Variants in TP53BP1 observed in about 807,000 individuals in gnomAD.
TP53BP1 encodes tumor protein p53 binding protein 1.
In TP53BP1, 61 loss-of-function variants were observed where a neutral mutation model predicts 200.8. The observed-to-expected ratio is 0.30, with a 90% CI of 0.25 to 0.38. The LOEUF is 0.38. Among genes scored for constraint, TP53BP1 ranks in the 10% least tolerant of loss-of-function variants. The pLI, the probability that TP53BP1 is intolerant of heterozygous loss-of-function variation, is 1.00. For missense variants in TP53BP1, 2,144 were observed against 2,371.9 expected, an observed-to-expected ratio of 0.90 and a Z score of 2.00; for synonymous variants, 822 against 844.3, an observed-to-expected ratio of 0.97 and a Z score of 0.46.
Position 43,432,579 on chromosome 15 carries a change from G to A in TP53BP1, c.3290C>T (p.Pro1097Leu), listed in dbSNP as rs1282553946. 1.2e-6 allele frequency: 2 copies of A among 1,613,952 alleles called. No individual in the cohort carries two copies. The highest frequency in any genetic ancestry group is 8.5e-7 in the Non-Finnish European group (1 of 1,180,020). ...TIRQSQQPMK[P>L]ISPVKDPVSP... ...AACAGGGTCCTTGACAGGACTAATG[G>A]GCTTCATAGGCTGTTGACTCTGCCT... The change falls in exon 17 of 28, where the codon CCC becomes CTC. Residue 1097 changes from proline to leucine, a missense_variant. This residue lies in a region of TP53BP1 where 1,700 missense variants were observed against 1,710.3 expected (regional missense o/e 0.99). Coordinates refer to ENST00000382044, the MANE Select transcript of TP53BP1 (RefSeq NM_001141980.3).
Position 43,407,039 on chromosome 15 carries a change from C to T in TP53BP1, c.*344G>A, listed in dbSNP as rs1216780523. The stretch of plus-strand genomic sequence containing the variant: ...CTGCAAGCATAGCATTTTAGACACC[C>T]TGGAATAACCTTTTGGGAATGATGC... On this transcript the variant is annotated 3_prime_UTR_variant, in exon 28 of 28. Coordinates refer to ENST00000382044, the MANE Select transcript of TP53BP1 (RefSeq NM_001141980.3). The T allele has an allele frequency of 4.0e-6, 1 of 249,646 alleles. No individual in the cohort carries two copies. The highest frequency in any genetic ancestry group is 7.9e-6 in the Non-Finnish European group (1 of 127,224). 15.5% of individuals were successfully genotyped at this position (249,646 alleles called of 1,614,324 possible).
chr15:43,410,710 CCCTTCA>C (rs2045088629), intron 24 of TP53BP1, among the ~76,000 whole-genome samples: 1 of 152,102 alleles, frequency 6.6e-6, no homozygotes, highest in Non-Finnish European at 1.5e-5. Context: ...ACTCCCCTTC[CCCTTCA>C]CACCCAGTAG....
chr15:43,498,920 A>G (rs2140172881), intron 1 of TP53BP1, among the ~76,000 whole-genome samples: 1 of 152,248 alleles, frequency 6.6e-6, no homozygotes, highest in East Asian at 1.9e-4. Context: ...TGAGGACAAG[A>G]GAAGGAATAT....
Position 43,404,456 on chromosome 15 carries a change from G to A in TP53BP1, c.*2927C>T. 6.2e-7 allele frequency: 1 copy of A among 1,614,172 alleles called. No individual in the cohort carries two copies. Among genetic ancestry groups the A allele is most frequent in the Non-Finnish European group, 8.5e-7 (1 of 1,180,026 alleles). On this transcript the variant is annotated 3_prime_UTR_variant, in exon 28 of 28. Coordinates refer to ENST00000382044, the MANE Select transcript of TP53BP1 (RefSeq NM_001141980.3). Reference sequence around the variant, plus strand: ...TCACTCCTGTTCAAGATTCTCTCCAGTGTTCGGAATCATCAGATCAACTCA... The same window carrying A: ...TCACTCCTGTTCAAGATTCTCTCCAATGTTCGGAATCATCAGATCAACTCA...
intron 21 of TP53BP1, among the ~76,000 whole-genome samples, chr15:43,417,815 G>A (rs894372310): frequency 6.6e-6 from 1 of 152,156 alleles, no homozygotes; most frequent in African/African-American, 2.4e-5. Flanking sequence ...ATTTAATAAT[G>A]AACAAAGGGC....
Position 43,480,007 on chromosome 15 carries a change from T to A in TP53BP1, c.510A>T (p.Ser170=). 6.2e-7 allele frequency: 1 copy of A among 1,614,094 alleles called. No homozygotes were observed. Among genetic ancestry groups the A allele is most frequent in the Non-Finnish European group, 8.5e-7 (1 of 1,179,986 alleles). Reference sequence around the variant, plus strand: ...CCAGAACCCCAAAACCCAACTGTGATGAGGCAGTATCTAGGAACAAAATGC... The same window carrying A: ...CCAGAACCCCAAAACCCAACTGTGAAGAGGCAGTATCTAGGAACAAAATGC... ...THSLGAEDTA[S]SQLGFGVLEL... The change falls in exon 6 of 28, where the codon TCA becomes TCT. Residue 170 remains serine (S), a synonymous_variant. Transcript: ENST00000382044.
intron 18 of TP53BP1, among the ~76,000 whole-genome samples, chr15:43,426,932 C>T (rs2045550356): frequency 6.6e-6 from 1 of 150,412 alleles, no homozygotes; most frequent in Non-Finnish European, 1.5e-5. Flanking sequence ...CCAGGAAAAT[C>T]ACTTGAACCA....
chr15:43,485,088 C>T (rs2079027103), intron 4 of TP53BP1, among the ~76,000 whole-genome samples: 3 of 152,142 alleles, frequency 2.0e-5, no homozygotes, highest in Admixed American at 2.0e-4. Context: ...TTTGTTGCTT[C>T]CTCTCCCCTT....
chr15:43,507,630 T>C (rs541174365), intron 1 of TP53BP1, among the ~76,000 whole-genome samples: 1 of 152,330 alleles, frequency 6.6e-6, no homozygotes, highest in South Asian at 2.1e-4. Flanking sequence ...TATTTAGCTT[T>C]CTAAGTCTTA....
chr15:43,447,749 G>A (rs184348010), intron 12 of TP53BP1, among the ~76,000 whole-genome samples: 4 of 151,980 alleles, frequency 2.6e-5, no homozygotes, highest in African/African-American at 9.7e-5. Flanking sequence ...GAGAAAGCCC[G>A]AAGTCTGCAA....
At chr15:43,467,355 C>T (rs1351684035) in intron 11 of TP53BP1, among the ~76,000 whole-genome samples, 1 of 152,080 alleles carries the variant, frequency 6.6e-6, no homozygotes, top group East Asian at 1.9e-4. Context: ...TGGGCTACTG[C>T]GCCCGGCCTA....
chr15:43,501,877 T>C (rs1483334045), intron 1 of TP53BP1, among the ~76,000 whole-genome samples: 1 of 152,234 alleles, frequency 6.6e-6, no homozygotes, highest in African/African-American at 2.4e-5. Flanking sequence ...TAGACTATTA[T>C]AAATAAAGTT....
At chr15:43,455,441 T>C in intron 12 of TP53BP1, among the ~76,000 whole-genome samples, 1 of 152,072 alleles carries the variant, frequency 6.6e-6, no homozygotes, top group Admixed American at 6.6e-5. Context: ...ACAATCCAGG[T>C]TGGGCGTGGT....
chr15:43,464,351 G>GA (rs2046512950), intron 11 of TP53BP1, among the ~76,000 whole-genome samples: 1 of 152,026 alleles, frequency 6.6e-6, no homozygotes, highest in South Asian at 2.1e-4. Context: ...AATATATTCT[G>GA]AAAAAAGAAT....
intron 16 of TP53BP1, among the ~76,000 whole-genome samples, chr15:43,436,605 G>A (rs1475932859): frequency 6.6e-6 from 1 of 151,072 alleles, no homozygotes; most frequent in Non-Finnish European, 1.5e-5. Context: ...CTTCCAAGTA[G>A]CTGGGACCAC....
chr15:43,438,354 C>G lies in TP53BP1; in HGVS notation c.3161G>C (p.Arg1054Pro), dbSNP rs200776719. ...GGGTGTGGTGGGGGGATCCTCACTT[C>G]GAGCCTCATTCTCTTGCCTGGCTTC... ...ICEARQENEA[R>P]SEDPPTTPIR... Residue 1054 changes from arginine (R) to proline (P), a missense_variant, in exon 16 of 28, where the codon CGA (arginine) becomes CCA (proline). Around this residue, in one of 4 missense-constraint regions of TP53BP1, gnomAD observed 1,700 missense variants for 1,710.3 expected, o/e 0.99. Coordinates refer to ENST00000382044, the MANE Select transcript of TP53BP1 (RefSeq NM_001141980.3). 2.5e-6 allele frequency: 4 copies of G among 1,613,772 alleles called. No individual in the cohort carries two copies. In the East Asian group the frequency reaches 6.7e-5, roughly 27 times the overall value.
intron 12 of TP53BP1, among the ~76,000 whole-genome samples, chr15:43,454,209 A>G (rs1050639911): frequency 6.6e-6 from 1 of 152,114 alleles, no homozygotes; most frequent in African/African-American, 2.4e-5. Flanking sequence ...ACATCTCAAA[A>G]AAAAGGGACT....
chr15:43,505,320 C>G (rs2079230535), intron 1 of TP53BP1, among the ~76,000 whole-genome samples: 1 of 152,180 alleles, frequency 6.6e-6, no homozygotes, highest in South Asian at 2.1e-4. Flanking sequence ...TTTGAATCCT[C>G]TTTACCACCA....
chr15:43,447,499 AAAAAAG>A lies in TP53BP1; in HGVS notation c.2717-20_2717-15del. The A allele has an allele frequency of 2.0e-6, 3 of 1,486,686 alleles. No homozygotes were observed. The highest frequency in any genetic ancestry group is 2.7e-6 in the Non-Finnish European group (3 of 1,113,922). 92.1% of individuals were successfully genotyped at this position (1,486,686 alleles called of 1,614,324 possible). A position where few individuals can be genotyped will look rare whatever the true frequency, so the allele number is the denominator to read the frequency against. On this transcript the variant is annotated splice_polypyrimidine_tract_variant and intron_variant, in intron 12 of 27. Transcript: ENST00000382044. Reference sequence around the variant, plus strand: ...GAAATGGGGTTTCTGAAAAAAAAAAAAAAAAGAAAAAAGAAAGAAAGAAAAAATGAT... The same window carrying A: ...GAAATGGGGTTTCTGAAAAAAAAAAAAAAAAAGAAAGAAAGAAAAAATGAT...
Sources: allele counts gnomAD v4.1 joint callset (sites outside exome capture counted in the v4.1 genomes callset), GRCh38; gene constraint gnomAD v4.1.1; regional missense constraint gnomAD v4.1.1; transcripts MANE v1.5; gene names NCBI Gene and HGNC (gene_info 2026-07-23, HGNC 2026-07-21).